KCNJ3: variants seen among roughly 807,000 people sequenced by gnomAD.
The protein encoded by KCNJ3 is potassium inwardly rectifying channel subfamily J member 3.
Under a neutral mutation model 39.2 loss-of-function variants are expected in KCNJ3, and 4 were observed. The ratio of observed to expected loss-of-function variants is 0.10; its 90% CI spans 0.05 to 0.23. The LOEUF is 0.23. Ranked by LOEUF, KCNJ3 falls within the 10% of genes least tolerant of loss-of-function variation. The pLI is 1.00. For synonymous variants in KCNJ3, 230 were observed against 237.4 expected, an observed-to-expected ratio of 0.97 and a Z score of 0.29; for missense variants, 276 against 634.9, an observed-to-expected ratio of 0.43 and a Z score of 6.08.
At chr2:154,820,783 T>G (rs1475265332) in intron 2 of KCNJ3, among the ~76,000 whole-genome samples, 3 of 152,176 alleles carry the variant, frequency 2.0e-5, no homozygotes, top group South Asian at 4.1e-4. Context: ...ATTTTCTAAT[T>G]TTATTGTTTC....
intron 2 of KCNJ3, among the ~76,000 whole-genome samples, chr2:154,777,961 G>C (rs1686368936): frequency 6.6e-6 from 1 of 152,148 alleles, no homozygotes; most frequent in Non-Finnish European, 1.5e-5. Flanking sequence ...TTCATCTATA[G>C]TTTCTGTTTC....
intron 2 of KCNJ3, among the ~76,000 whole-genome samples, chr2:154,731,832 A>C (rs1348221290): frequency 6.6e-6 from 1 of 151,974 alleles, no homozygotes; most frequent in South Asian, 2.1e-4. Context: ...TTAGATAAAA[A>C]ATTGTCCTAC....
chr2:154,767,893 A>T (rs1686163174), intron 2 of KCNJ3, among the ~76,000 whole-genome samples: 1 of 152,154 alleles, frequency 6.6e-6, no homozygotes, highest in Admixed American at 6.5e-5. Flanking sequence ...CTGGTGTGAG[A>T]TGGTATCTCA....
intron 2 of KCNJ3, among the ~76,000 whole-genome samples, chr2:154,817,689 A>G (rs1272250273): frequency 6.6e-6 from 1 of 152,162 alleles, no homozygotes; most frequent in Non-Finnish European, 1.5e-5. Context: ...GATTTGGTCC[A>G]TAAGACTTCT....
At chr2:154,749,752 CTTTTTCTTTTCT>C (rs1685806640) in intron 2 of KCNJ3, among the ~76,000 whole-genome samples, 1 of 151,756 alleles carries the variant, frequency 6.6e-6, no homozygotes, top group Admixed American at 6.6e-5. Context: ...TAAATTTTTT[CTTTTTCTTTTCT>C]TTTTTCTTGG....
In KCNJ3 at chr2:154,833,587, G is replaced by GTGT. The variant is rs1273556319; in HGVS notation, c.920-21138_920-21136dup. On this transcript the variant is annotated intron_variant, in intron 2 of 2. Coordinates refer to ENST00000295101, the MANE Select transcript of KCNJ3 (RefSeq NM_002239.4). Reference sequence around the variant, plus strand: ...TAGTTTACATCAAGGTTCATGCTTTGTGTTATATATTCTGAGTTTTAACAA... The same window carrying GTGT: ...TAGTTTACATCAAGGTTCATGCTTTGTGTTGTTATATATTCTGAGTTTTAACAA... 3.3e-5 allele frequency among the ~76,000 whole-genome samples: 5 copies of GTGT among 152,106 alleles called. No homozygotes were observed. In the East Asian group the frequency reaches 7.7e-4, roughly 23 times the overall value.
At chr2:154,721,945 G>A (rs1685269035) in intron 2 of KCNJ3, among the ~76,000 whole-genome samples, 1 of 151,998 alleles carries the variant, frequency 6.6e-6, no homozygotes, top group South Asian at 2.1e-4. Flanking sequence ...TGTCTTGCTT[G>A]CCCACTTTAA....
chr2:154,790,134 A>AT (rs1686603223), intron 2 of KCNJ3, among the ~76,000 whole-genome samples: 1 of 151,288 alleles, frequency 6.6e-6, no homozygotes, highest in African/African-American at 2.4e-5. Flanking sequence ...CAGAGAGAAC[A>AT]TTTTTTGACA....
chr2:154,714,241 C>A (rs959417540), intron 2 of KCNJ3, among the ~76,000 whole-genome samples: 1 of 152,248 alleles, frequency 6.6e-6, no homozygotes, highest in South Asian at 2.1e-4. Flanking sequence ...ATTTTCAGTT[C>A]TTTCCTACTG....
intron 2 of KCNJ3, among the ~76,000 whole-genome samples, chr2:154,843,193 T>C (rs999424538): frequency 2.0e-5 from 3 of 152,214 alleles, no homozygotes; most frequent in African/African-American, 7.2e-5. Context: ...CCTTCACTTA[T>C]GAAGCTTAGT....
intron 2 of KCNJ3, among the ~76,000 whole-genome samples, chr2:154,802,157 AT>A (rs981639197): frequency 5.4e-5 from 8 of 148,850 alleles, no homozygotes; most frequent in South Asian, 2.1e-4. Context: ...CCATTATGTA[AT>A]TTTTTTTTAG....
chr2:154,787,084 T>C (rs1686543393), intron 2 of KCNJ3, among the ~76,000 whole-genome samples: 1 of 152,124 alleles, frequency 6.6e-6, no homozygotes, highest in South Asian at 2.1e-4. Flanking sequence ...AAAAAAAGGG[T>C]GTAAATTTAA....
At position 154,718,044 on chromosome 2, in the gene KCNJ3, G is replaced by A. The variant is rs115462861; in HGVS notation, c.919+8225G>A. ...TTACCTCTCTAGTTTCCTTGTTTCC[G>A]CCCAGATTGCTGATTCCTTTTAAAT... On this transcript the variant is annotated intron_variant, in intron 2 of 2. Coordinates refer to ENST00000295101, the MANE Select transcript of KCNJ3 (RefSeq NM_002239.4). Among the ~76,000 whole-genome samples the A allele has an allele frequency of 8.2e-3, 1,247 of 152,092 alleles. 12 individuals are homozygous for A. Among genetic ancestry groups the A allele is most frequent in the African/African-American group, 0.028 (1,162 of 41,482 alleles).
At chr2:154,731,923 T>C (rs959300176) in intron 2 of KCNJ3, among the ~76,000 whole-genome samples, 7 of 152,076 alleles carry the variant, frequency 4.6e-5, no homozygotes, top group Non-Finnish European at 8.8e-5. Context: ...AATGCTAGTA[T>C]AGCAATAGTG....
chr2:154,812,169 T>C (rs984124612), intron 2 of KCNJ3, among the ~76,000 whole-genome samples: 1 of 152,200 alleles, frequency 6.6e-6, no homozygotes, highest in Non-Finnish European at 1.5e-5. Flanking sequence ...AAATGCTTAC[T>C]GAGTGATTAT....
At chr2:154,816,040 T>C (rs1687078224) in intron 2 of KCNJ3, among the ~76,000 whole-genome samples, 1 of 152,232 alleles carries the variant, frequency 6.6e-6, no homozygotes, top group South Asian at 2.1e-4. Flanking sequence ...TTTTTTTCTC[T>C]TTTCATTAGA....
At chr2:154,774,344 T>C (rs992064705) in intron 2 of KCNJ3, among the ~76,000 whole-genome samples, 9 of 151,912 alleles carry the variant, frequency 5.9e-5, no homozygotes, top group Admixed American at 3.9e-4. Context: ...AGCACTTGGA[T>C]AAAGAAAGTT....
intron 2 of KCNJ3, among the ~76,000 whole-genome samples, chr2:154,820,505 T>G (rs1574474350): frequency 6.6e-6 from 1 of 152,062 alleles, no homozygotes; most frequent in African/African-American, 2.4e-5. Context: ...TGGTTGGAGG[T>G]TGAAGGGTGA....
intron 2 of KCNJ3, among the ~76,000 whole-genome samples, chr2:154,778,164 A>T (rs560259538): frequency 6.6e-6 from 1 of 152,260 alleles, no homozygotes; most frequent in East Asian, 1.9e-4. Context: ...TGATCATTTA[A>T]ATGATAAAGG....
Sources: allele counts gnomAD v4.1 joint callset (sites outside exome capture counted in the v4.1 genomes callset), GRCh38; gene constraint gnomAD v4.1.1; transcripts MANE v1.5; gene names NCBI Gene and HGNC (gene_info 2026-07-23, HGNC 2026-07-21).